Variants in MCTP1 observed in about 807,000 individuals in gnomAD.
MCTP1 encodes the protein multiple C2 and transmembrane domain-containing protein 1.
In MCTP1, 69 loss-of-function variants were observed where a neutral mutation model predicts 120.6. That is an observed-to-expected ratio of 0.57 (90% confidence interval 0.47 to 0.70). The LOEUF (loss-of-function observed/expected upper bound fraction) is 0.70. Ranked by LOEUF, MCTP1 falls within the 30% of genes least tolerant of loss-of-function variation. MCTP1 has a pLI of 0.00. For missense variants in MCTP1, 1,203 were observed against 1,248.8 expected, an observed-to-expected ratio of 0.96 and a Z score of 0.55; for synonymous variants, 529 against 493.1, an observed-to-expected ratio of 1.07 and a Z score of -0.96.
intron 1 of MCTP1, among the ~76,000 whole-genome samples, chr5:95,235,234 T>C (rs375858312): frequency 1.7e-4 from 26 of 151,842 alleles, no homozygotes; most frequent in African/African-American, 5.8e-4. Context: ...TTTCAATAGA[T>C]GCAGAAAAAG....
At chr5:94,894,935 T>G (rs1433894932) in intron 10 of MCTP1, 100 bp from the exon 11 acceptor site, 3 of 716,222 alleles carry the variant, frequency 4.2e-6, no homozygotes. Flanking sequence ...AATAGAAATA[T>G]TATTTGGACC....
Position 95,098,650 on chromosome 5 carries a change from T to C in MCTP1, c.721-81166A>G, listed in dbSNP as rs983316878. Among the ~76,000 whole-genome samples, 629 of 151,970 alleles carry C rather than the reference T, an allele frequency of 4.1e-3. 5 individuals are homozygous for C. The highest frequency in any genetic ancestry group is 0.015 in the African/African-American group (614 of 41,456). On this transcript the variant is annotated intron_variant, in intron 1 of 22. Transcript: ENST00000515393. ...TACAAACAAATGGAAGAACATTCCA[T>C]GCTCATGGGTAGGAAGAATCAATAT...
chr5:95,123,815 A>G (rs974647547), intron 1 of MCTP1, among the ~76,000 whole-genome samples: 1 of 151,870 alleles, frequency 6.6e-6, no homozygotes, highest in African/African-American at 2.4e-5. Flanking sequence ...GCGCCCGGCT[A>G]ATTTTCTGTA....
intron 12 of MCTP1, among the ~76,000 whole-genome samples, chr5:94,878,552 T>C (rs879870410): frequency 2.0e-5 from 3 of 152,070 alleles, no homozygotes; most frequent in Admixed American, 6.6e-5. Flanking sequence ...CTTTTTACTA[T>C]CCTGGAATAA....
At chr5:94,886,046 G>A (rs1392686755) in intron 12 of MCTP1, among the ~76,000 whole-genome samples, 5 of 152,114 alleles carry the variant, frequency 3.3e-5, no homozygotes, top group Non-Finnish European at 4.4e-5. Flanking sequence ...TATTGAGACC[G>A]AAGAAAAAAC....
intron 1 of MCTP1, among the ~76,000 whole-genome samples, chr5:95,063,840 A>C (rs1349020948): frequency 6.6e-6 from 1 of 152,110 alleles, no homozygotes; most frequent in Non-Finnish European, 1.5e-5. Flanking sequence ...TTATTATAGA[A>C]TATTTACCCC....
At position 95,050,817 on chromosome 5, in the gene MCTP1, T is replaced by C. The variant is rs115948781; in HGVS notation, c.721-33333A>G. Among the ~76,000 whole-genome samples, 974 of 152,332 alleles carry C rather than the reference T, an allele frequency of 6.4e-3. 11 individuals are homozygous for C. The highest frequency in any genetic ancestry group is 0.022 in the African/African-American group (935 of 41,566). ...TTTTTGGAAACAGTGTTGTTGTATA[T>C]GTAATTAGTTAAGATGAGGTCATCC... On this transcript the variant is annotated intron_variant, in intron 1 of 22. Coordinates refer to ENST00000515393, the MANE Select transcript of MCTP1 (RefSeq NM_024717.7).
intron 3 of MCTP1, among the ~76,000 whole-genome samples, chr5:94,944,055 T>A (rs574853428): frequency 1.1e-4 from 16 of 152,144 alleles, no homozygotes; most frequent in African/African-American, 3.9e-4. Context: ...TTCTTTTTAT[T>A]TTTTTCTCTA....
At chr5:95,266,188 A>T (rs1758867032) in intron 1 of MCTP1, among the ~76,000 whole-genome samples, 1 of 152,198 alleles carries the variant, frequency 6.6e-6, no homozygotes. Flanking sequence ...GTGCCCTGCA[A>T]GGTTCTAGGA....
chr5:94,709,027 G>A (rs1755764464), intron 21 of MCTP1: 1 of 155,406 alleles, frequency 6.4e-6, no homozygotes, highest in South Asian at 2.0e-4. Context: ...CTTTTTGGAG[G>A]TGGGGGTGTG....
intron 15 of MCTP1, 87 bp downstream of exon 15, chr5:94,870,785 T>A (rs767184217): frequency 3.1e-6 from 3 of 959,444 alleles, no homozygotes; most frequent in Non-Finnish European, 5.0e-6. Context: ...AAATGAGGAA[T>A]GACAGAAATT....
At chr5:95,091,057 TC>T (rs1755806471) in intron 1 of MCTP1, among the ~76,000 whole-genome samples, 1 of 152,124 alleles carries the variant, frequency 6.6e-6, no homozygotes, top group Non-Finnish European at 1.5e-5. Flanking sequence ...CTGGAGATGC[TC>T]CTGGTACCTC....
At chr5:95,262,365 A>C (rs1447293055) in intron 1 of MCTP1, among the ~76,000 whole-genome samples, 1 of 152,194 alleles carries the variant, frequency 6.6e-6, no homozygotes, top group Admixed American at 6.5e-5. Flanking sequence ...CAAGCACAGT[A>C]ACTCCCATAA....
intron 1 of MCTP1, among the ~76,000 whole-genome samples, chr5:95,166,830 G>T (rs571030907): frequency 4.4e-4 from 67 of 151,802 alleles, no homozygotes; most frequent in African/African-American, 1.6e-3. Flanking sequence ...GCCTCCCAAA[G>T]TGCTGGGATT....
chr5:95,246,428 A>G lies in MCTP1; in HGVS notation c.720+37428T>C, dbSNP rs538867058. ...AGACCCATCTCACATGCAAAGGCACACATAGGCTCAAAATAAAGGGATGGA... is the reference window on the plus strand; with the variant it reads ...AGACCCATCTCACATGCAAAGGCACGCATAGGCTCAAAATAAAGGGATGGA... On this transcript the variant is annotated intron_variant, in intron 1 of 22. Coordinates refer to ENST00000515393, the MANE Select transcript of MCTP1 (RefSeq NM_024717.7). 5.3e-5 allele frequency among the ~76,000 whole-genome samples: 8 copies of G among 152,242 alleles called. No individual in the cohort carries two copies. The East Asian group carries it at 1.3e-3, about 26-fold the overall frequency.
At chr5:94,829,167 G>A (rs1273380803) in intron 17 of MCTP1, among the ~76,000 whole-genome samples, 2 of 152,214 alleles carry the variant, frequency 1.3e-5, no homozygotes, top group Non-Finnish European at 2.9e-5. Context: ...ATCTGGGCCA[G>A]AATGCACTGT....
chr5:95,216,810 A>C (rs994443647), intron 1 of MCTP1, among the ~76,000 whole-genome samples: 12 of 152,204 alleles, frequency 7.9e-5, no homozygotes, highest in Non-Finnish European at 1.3e-4. Context: ...TAAACTGTGC[A>C]ACTGTCCCTT....
intron 19 of MCTP1, among the ~76,000 whole-genome samples, chr5:94,724,521 G>T (rs750399847): frequency 3.3e-5 from 5 of 151,500 alleles, no homozygotes; most frequent in Non-Finnish European, 7.4e-5. Flanking sequence ...CAAAGTGCTA[G>T]GATTACAGGA....
At chr5:95,067,145 G>C (rs998689006) in intron 1 of MCTP1, among the ~76,000 whole-genome samples, 2 of 151,850 alleles carry the variant, frequency 1.3e-5, no homozygotes, top group Admixed American at 6.6e-5. Flanking sequence ...GGGTGGGAGT[G>C]GGGGGATCGG....
Sources: allele counts gnomAD v4.1 joint callset (sites outside exome capture counted in the v4.1 genomes callset), GRCh38; gene constraint gnomAD v4.1.1; transcripts MANE v1.5; gene names NCBI Gene and HGNC (gene_info 2026-07-23, HGNC 2026-07-21).